GALNT18: variants seen among roughly 807,000 people sequenced by gnomAD.
GALNT18 encodes the protein polypeptide N-acetylgalactosaminyltransferase 18.
A neutral mutation model predicts 69.5 loss-of-function variants in GALNT18; 44 were observed. The ratio of observed to expected loss-of-function variants is 0.63; its 90% CI spans 0.50 to 0.81. The LOEUF is 0.81. GALNT18 is among the 40% of genes least tolerant of loss of function. GALNT18 has a pLI of 0.00. For synonymous variants in GALNT18, 364 were observed against 318.2 expected, an observed-to-expected ratio of 1.14 and a Z score of -1.53; for missense variants, 715 against 810.0, an observed-to-expected ratio of 0.88 and a Z score of 1.42.
chr11:11,331,060 T>G (rs909410326), intron 8 of GALNT18, among the ~76,000 whole-genome samples: 1 of 152,130 alleles, frequency 6.6e-6, no homozygotes, highest in Non-Finnish European at 1.5e-5. Flanking sequence ...TTGCTATGGG[T>G]GGAGTGTGGG....
chr11:11,534,446 T>C (rs142545254), intron 1 of GALNT18, among the ~76,000 whole-genome samples: 82 of 152,354 alleles, frequency 5.4e-4, no homozygotes, highest in Non-Finnish European at 9.6e-4. Context: ...ATTTGCTCAA[T>C]GCCAACTCCA....
Position 11,582,364 on chromosome 11 carries a change from G to C in GALNT18, c.235+38995C>G, listed in dbSNP as rs896585694. Among the ~76,000 whole-genome samples, 2 of 152,232 alleles carry C rather than the reference G, an allele frequency of 1.3e-5. No homozygotes were observed. The highest frequency in any genetic ancestry group is 2.9e-5 in the Non-Finnish European group (2 of 68,040). ...ATTCACTGCCCCTCCCTATAAGAGG[G>C]CTATGCATGCCTGTCCGTTGCCCCG... On this transcript the variant is annotated intron_variant, in intron 1 of 10. Coordinates refer to ENST00000227756, the MANE Select transcript of GALNT18 (RefSeq NM_198516.3). The surrounding 1 kb of genome is among the most constrained non-coding windows in gnomAD (Gnocchi z 5.0).
intron 10 of GALNT18, among the ~76,000 whole-genome samples, chr11:11,272,698 ACTC>A (rs1848851989): frequency 6.6e-6 from 1 of 151,948 alleles, no homozygotes; most frequent in African/African-American, 2.4e-5. Flanking sequence ...TCAAAGCTCA[ACTC>A]CTCCATTTCC....
chr11:11,372,450 A>G lies in GALNT18; in HGVS notation c.1092+65T>C. 2.4e-6 allele frequency: 3 copies of G among 1,246,576 alleles called. No individual in the cohort carries two copies. The East Asian group carries it at 7.0e-5, about 29-fold the overall frequency. The allele number at this position is 1,246,576 out of a possible 1,614,324, so 77.2% of individuals were successfully genotyped here. A position where few individuals can be genotyped will look rare whatever the true frequency, so the allele number is the denominator to read the frequency against. ...CCTCAACCTTAAACCCCATTTCTCC[A>G]CCCCCAGACTCATTCACCCTGGTGG... On this transcript the variant is annotated intron_variant, in intron 6 of 10. Coordinates refer to ENST00000227756, the MANE Select transcript of GALNT18 (RefSeq NM_198516.3). This position sits in a 1 kb window ranked among gnomAD's most constrained non-coding sequence, Gnocchi z 4.9.
intron 1 of GALNT18, among the ~76,000 whole-genome samples, chr11:11,456,177 T>C (rs1314403854): frequency 3.3e-5 from 5 of 152,162 alleles, no homozygotes; most frequent in African/African-American, 1.2e-4. Flanking sequence ...TGGAGCTGAT[T>C]CCCTAGTACA....
At chr11:11,552,687 T>C (rs1270434032) in intron 1 of GALNT18, among the ~76,000 whole-genome samples, 1 of 152,166 alleles carries the variant, frequency 6.6e-6, no homozygotes, top group South Asian at 2.1e-4. Flanking sequence ...AGCAGGGATA[T>C]ACTGTGACCC....
chr11:11,492,373 A>G (rs1446367093), intron 1 of GALNT18, among the ~76,000 whole-genome samples: 1 of 152,168 alleles, frequency 6.6e-6, no homozygotes. Context: ...TAACACTGCC[A>G]TAGAAGCTGA....
At position 11,444,734 on chromosome 11, in the gene GALNT18, T is replaced by C. The variant is rs553206419; in HGVS notation, c.428+4010A>G. 1.3e-5 allele frequency among the ~76,000 whole-genome samples: 2 copies of C among 152,092 alleles called. No individual in the cohort carries two copies. The highest frequency in any genetic ancestry group is 2.9e-5 in the Non-Finnish European group (2 of 68,028). ...AGGATTCTGAACACTCACTTTCTGA[T>C]CTAGGAATGAAGCCAAGAATAACAT... On this transcript the variant is annotated intron_variant, in intron 2 of 10. Transcript: ENST00000227756. This position sits in a 1 kb window ranked among gnomAD's most constrained non-coding sequence, Gnocchi z 4.4.
At chr11:11,576,807 C>T (rs1858936375) in intron 1 of GALNT18, among the ~76,000 whole-genome samples, 2 of 152,216 alleles carry the variant, frequency 1.3e-5, no homozygotes, top group African/African-American at 4.8e-5. Context: ...TAAACAATCA[C>T]TTTTTTGTTT....
intron 1 of GALNT18, among the ~76,000 whole-genome samples, chr11:11,609,075 A>G (rs1859823053): frequency 6.6e-6 from 1 of 152,232 alleles, no homozygotes; most frequent in South Asian, 2.1e-4. Flanking sequence ...AGCATGTCAC[A>G]TGTTTTCTAT....
chr11:11,615,738 T>C (rs1316617689), intron 1 of GALNT18, among the ~76,000 whole-genome samples: 1 of 152,160 alleles, frequency 6.6e-6, no homozygotes, highest in Non-Finnish European at 1.5e-5. Context: ...AGTGGAGTTT[T>C]GTTGTTTGCA....
In GALNT18 at chr11:11,327,076, G is replaced by A. The variant is rs373282244; in HGVS notation, c.1512+10C>T. The stretch of plus-strand genomic sequence containing the variant: ...ACACTCCTGGCACAGGAATCTCTTA[G>A]AGGACTCACCTGAGGCGTCATCCCA... On this transcript the variant is annotated intron_variant, in intron 9 of 10. Transcript: ENST00000227756. The A allele has an allele frequency of 6.3e-7, 1 of 1,597,208 alleles. No homozygotes were observed. Among genetic ancestry groups the A allele is most frequent in the African/African-American group, 1.3e-5 (1 of 74,598 alleles).
intron 1 of GALNT18, among the ~76,000 whole-genome samples, chr11:11,517,222 G>T (rs1857301270): frequency 1.3e-5 from 2 of 152,140 alleles, no homozygotes; most frequent in Admixed American, 1.3e-4. Context: ...CTTATTTATA[G>T]CAGCCTGAAC....
At chr11:11,524,388 C>T (rs1383808051) in intron 1 of GALNT18, among the ~76,000 whole-genome samples, 1 of 152,122 alleles carries the variant, frequency 6.6e-6, no homozygotes, top group Non-Finnish European at 1.5e-5. Flanking sequence ...TATTTATTAC[C>T]ATTGCCTTGC....
chr11:11,587,539 G>A lies in GALNT18; in HGVS notation c.235+33820C>T, dbSNP rs559161499. 2.0e-5 allele frequency among the ~76,000 whole-genome samples: 3 copies of A among 152,308 alleles called. No homozygotes were observed. In the East Asian group the frequency reaches 5.8e-4, roughly 29 times the overall value. On this transcript the variant is annotated intron_variant, in intron 1 of 10. Coordinates refer to ENST00000227756, the MANE Select transcript of GALNT18 (RefSeq NM_198516.3). This position sits in a 1 kb window ranked among gnomAD's most constrained non-coding sequence, Gnocchi z 4.4. ...GAGCTCAGCCTAGGATTTGAATACA[G>A]GAGCTTTGCAAGACCATCAGTAGTC...
intron 9 of GALNT18, among the ~76,000 whole-genome samples, chr11:11,326,194 G>A (rs988058025): frequency 4.5e-4 from 69 of 151,940 alleles, no homozygotes; most frequent in African/African-American, 1.4e-3. Flanking sequence ...ACAGGCGCCC[G>A]CCACCACACC....
intron 1 of GALNT18, among the ~76,000 whole-genome samples, chr11:11,516,115 CT>C (rs1291608400): frequency 6.6e-6 from 1 of 152,182 alleles, no homozygotes; most frequent in African/African-American, 2.4e-5. Flanking sequence ...CTTCTAGCCC[CT>C]GATCAGGCAC....
intron 3 of GALNT18, among the ~76,000 whole-genome samples, chr11:11,431,665 T>C (rs1409376196): frequency 6.6e-6 from 1 of 152,200 alleles, no homozygotes; most frequent in Non-Finnish European, 1.5e-5. Context: ...AATTATCCAA[T>C]GTATTTCAGC....
chr11:11,555,934 C>T lies in GALNT18; in HGVS notation c.235+65425G>A, dbSNP rs1214715624. ...AGAGCAGGATCATCTGAACGTTGAT[C>T]TGGTTTGCTTTCCCTTATTTCCTCT... On this transcript the variant is annotated intron_variant, in intron 1 of 10. Transcript: ENST00000227756. The surrounding 1 kb of genome is among the most constrained non-coding windows in gnomAD (Gnocchi z 4.7). 6.6e-6 allele frequency among the ~76,000 whole-genome samples: 1 copy of T among 152,236 alleles called. No homozygotes were observed. The highest frequency in any genetic ancestry group is 1.9e-4 in the East Asian group (1 of 5,200).
Sources: gnomAD v4.1 joint callset for allele counts (sites outside exome capture counted in the v4.1 genomes callset) on GRCh38, gnomAD v4.1.1 for gene constraint, Gnocchi (gnomAD v3.1) non-coding constraint, MANE v1.5 for transcripts, NCBI Gene and HGNC (gene_info 2026-07-23, HGNC 2026-07-21) for gene names.